The following ZNF92 variants were observed in gnomAD, a reference collection of about 807,000 sequenced individuals.
The protein encoded by ZNF92 is epididymis luminal protein 203.
In ZNF92, 11 loss-of-function variants were observed where a neutral mutation model predicts 12.4. The ratio of observed to expected loss-of-function variants is 0.89; its 90% confidence interval spans 0.56 to 1.47. The LOEUF (loss-of-function observed/expected upper bound fraction) is 1.47, where lower values mean the gene tolerates loss of function less well. ZNF92 is among the 40% of genes most tolerant of loss of function. The probability of loss-of-function intolerance (pLI) is 0.00; values close to 1 mark genes in which losing one functional copy is unlikely to be tolerated. For missense variants in ZNF92, 622 were observed against 681.0 expected (o/e 0.91, Z 0.96); for synonymous variants, 206 against 228.6 (o/e 0.90, Z 0.89).
intron 3 of ZNF92, among the ~76,000 whole-genome samples, chr7:65,394,074 T>G (rs1234533887): frequency 6.6e-6 from 1 of 152,116 alleles, no homozygotes; most frequent in Non-Finnish European, 1.5e-5. Context: ...GTAAAAATTT[T>G]GAAGTATAGC....
intron 1 of ZNF92, among the ~76,000 whole-genome samples, chr7:65,380,357 C>T (rs745701964): frequency 7.9e-5 from 12 of 152,070 alleles, no homozygotes; most frequent in Non-Finnish European, 1.6e-4. Context: ...ATCTCAATCT[C>T]CTGGGCTCAA....
At chr7:65,375,838 A>G (rs945313305) in intron 1 of ZNF92, among the ~76,000 whole-genome samples, 1 of 151,924 alleles carries the variant, frequency 6.6e-6, no homozygotes, top group Non-Finnish European at 1.5e-5. Flanking sequence ...CTCCGTCTCA[A>G]ACAAACAAAC....
intron 3 of ZNF92, among the ~76,000 whole-genome samples, chr7:65,394,319 A>C (rs1287909280): frequency 6.6e-6 from 1 of 151,982 alleles, no homozygotes; most frequent in Non-Finnish European, 1.5e-5. Context: ...TCTTTCCTCT[A>C]TTGTGTGCTC....
intron 3 of ZNF92, among the ~76,000 whole-genome samples, chr7:65,394,681 C>T (rs1793803705): frequency 6.6e-6 from 1 of 152,014 alleles, no homozygotes; most frequent in African/African-American, 2.4e-5. Flanking sequence ...CGTTGTTTCG[C>T]TCTTGTTGCC....
At chr7:65,374,647 AGTTG>A (rs1327681749) in intron 1 of ZNF92, among the ~76,000 whole-genome samples, 1 of 152,024 alleles carries the variant, frequency 6.6e-6, no homozygotes, top group African/African-American at 2.4e-5. Flanking sequence ...GTCAGTTTAT[AGTTG>A]GTTAAGCCTG....
chr7:65,399,881 G>C lies in ZNF92; in HGVS notation c.*6G>C, dbSNP rs1562800404. 6.4e-7 allele frequency: 1 copy of C among 1,552,064 alleles called. No homozygotes were observed. The highest frequency in any genetic ancestry group is 1.7e-4 in the Middle Eastern group (1 of 5,750). ...AAGAGAAACTACAAACCTGAAAGAT[G>C]TGACAATGATTTTCACTACACCTCA... On this transcript the variant is annotated 3_prime_UTR_variant, in exon 4 of 4. Coordinates refer to ENST00000328747, the MANE Select transcript of ZNF92 (RefSeq NM_152626.4).
intron 1 of ZNF92, among the ~76,000 whole-genome samples, chr7:65,378,466 G>A (rs528210564): frequency 1.3e-5 from 2 of 152,148 alleles, no homozygotes; most frequent in South Asian, 4.2e-4. Flanking sequence ...TTTTTGGCCG[G>A]GCGTGGTGGC....
intron 1 of ZNF92, among the ~76,000 whole-genome samples, chr7:65,381,139 T>C (rs551910672): frequency 1.3e-5 from 2 of 152,024 alleles, no homozygotes; most frequent in East Asian, 3.9e-4. Context: ...GCCTCCCAAG[T>C]AGCTGGGATT....
rs909450168 is a variant in ZNF92 at position 65,376,777 on chromosome 7, A to G, written c.3+2777A>G. 5.1e-4 allele frequency among the ~76,000 whole-genome samples: 77 copies of G among 152,242 alleles called. 1 individual carries two copies. Among genetic ancestry groups the G allele is most frequent in the African/African-American group, 1.7e-3 (71 of 41,542 alleles). ...GTTTTTTATGGCTGGGTAATTACAA[A>G]CATAATTCTAAGGCTTAGCTTTTAG... On this transcript the variant is annotated intron_variant, in intron 1 of 3. Coordinates refer to ENST00000328747, the MANE Select transcript of ZNF92 (RefSeq NM_152626.4).
At chr7:65,396,872 T>G (rs1793858823) in intron 3 of ZNF92, among the ~76,000 whole-genome samples, 1 of 152,094 alleles carries the variant, frequency 6.6e-6, no homozygotes, top group African/African-American at 2.4e-5. Context: ...TACCTTTTAT[T>G]TTGGAAAATC....
At chr7:65,382,958 C>G (rs1793463305) in intron 1 of ZNF92, among the ~76,000 whole-genome samples, 1 of 152,092 alleles carries the variant, frequency 6.6e-6, no homozygotes, top group Non-Finnish European at 1.5e-5. Context: ...CTTGCTATTG[C>G]CACGAGTAGC....
intron 3 of ZNF92, among the ~76,000 whole-genome samples, chr7:65,390,459 T>C (rs1793682772): frequency 1.3e-5 from 2 of 152,150 alleles, no homozygotes; most frequent in African/African-American, 4.8e-5. Flanking sequence ...GGTGATGGGA[T>C]GCCCTCTGGG....
At chr7:65,374,178 A>G (rs765143330) in intron 1 of ZNF92, among the ~76,000 whole-genome samples, 178 bp downstream of exon 1, 6 of 151,786 alleles carry the variant, frequency 4.0e-5, no homozygotes, top group Non-Finnish European at 7.4e-5. Context: ...GGCTGGGCTG[A>G]CAGCCGGGAC....
intron 2 of ZNF92, 22 bp downstream of exon 2, chr7:65,388,050 A>G: frequency 6.3e-7 from 1 of 1,579,720 alleles, no homozygotes; most frequent in East Asian, 2.3e-5. Context: ...TTCAATACAC[A>G]ATACACAATG....
At position 65,387,943 on chromosome 7, in the gene ZNF92, A is replaced by C. The variant is rs759418090; in HGVS notation, c.45A>C (p.Leu15=). 1 of 1,608,330 alleles carries C rather than the reference A, an allele frequency of 6.2e-7. No individual in the cohort carries two copies. Among genetic ancestry groups the C allele is most frequent in the South Asian group, 1.1e-5 (1 of 90,484 alleles). ...TFRDVKIEFS[L]EEWQCLDTAQ... is the part of the protein sequence containing the mutation. ...GGGATGTGAAAATAGAATTCTCTCT[A>C]GAGGAATGGCAATGCCTGGACACTG... Residue 15 remains leucine (L), a synonymous_variant, in exon 2 of 4, where the codon CTA becomes CTC. Transcript: ENST00000328747.
At chr7:65,389,201 C>T (rs1176356069) in intron 3 of ZNF92, among the ~76,000 whole-genome samples, 3 of 151,964 alleles carry the variant, frequency 2.0e-5, no homozygotes, top group African/African-American at 4.8e-5. Flanking sequence ...TCAGGTGATC[C>T]GCCCGCCTCA....
intron 1 of ZNF92, among the ~76,000 whole-genome samples, chr7:65,378,718 G>C (rs1400078149): frequency 6.6e-6 from 1 of 150,982 alleles, no homozygotes; most frequent in Non-Finnish European, 1.5e-5. Flanking sequence ...CTCCAGCCTG[G>C]GCGACAGAGC....
intron 3 of ZNF92, among the ~76,000 whole-genome samples, chr7:65,395,518 A>G (rs1793823662): frequency 6.6e-6 from 1 of 152,236 alleles, no homozygotes; most frequent in Non-Finnish European, 1.5e-5. Flanking sequence ...TTCAAACCTC[A>G]TGCTGCGATG....
intron 3 of ZNF92, among the ~76,000 whole-genome samples, chr7:65,391,049 T>G (rs934228328): frequency 6.6e-6 from 1 of 152,000 alleles, no homozygotes; most frequent in Non-Finnish European, 1.5e-5. Flanking sequence ...GCCTGCCTTC[T>G]AAAAACAACA....
Sources: allele counts gnomAD v4.1 joint callset (sites outside exome capture counted in the v4.1 genomes callset), GRCh38; gene constraint gnomAD v4.1.1; transcripts MANE v1.5; gene names NCBI Gene and HGNC (gene_info 2026-07-23, HGNC 2026-07-21).